Variants in EDN1 observed in about 807,000 individuals in gnomAD.
The protein encoded by EDN1 is endothelin-1.
In EDN1, 11 loss-of-function variants were observed where a neutral mutation model predicts 21.7. The ratio of observed to expected loss-of-function variants is 0.51; its 90% CI spans 0.32 to 0.84. The LOEUF (loss-of-function observed/expected upper bound fraction) is 0.84. Ranked by LOEUF, EDN1 falls within the 40% of genes least tolerant of loss-of-function variation. The probability of loss-of-function intolerance (pLI) is 0.03; values close to 1 mark genes in which losing one functional copy is unlikely to be tolerated. For synonymous variants in EDN1, 85 were observed against 90.6 expected (o/e 0.94, Z 0.35); for missense variants, 244 against 262.3 (o/e 0.93, Z 0.48).
upstream of EDN1, among the ~76,000 whole-genome samples, chr6:12,288,481 C>T (rs566515653): frequency 6.6e-6 from 1 of 152,248 alleles, no homozygotes; most frequent in South Asian, 2.1e-4. Flanking sequence ...CCCTGGGCCC[C>T]GGGGCTAGGC....
chr6:12,288,335 C>A (rs1762599354), upstream of EDN1, among the ~76,000 whole-genome samples: 1 of 152,160 alleles, frequency 6.6e-6, no homozygotes, highest in South Asian at 2.1e-4. Flanking sequence ...TGCTTGGAAC[C>A]TGTGAATGTG....
the EDN1 span, among the ~76,000 whole-genome samples, chr6:12,276,079 G>A: frequency 6.0e-5 from 9 of 150,618 alleles, no homozygotes; most frequent in Non-Finnish European, 1.2e-4. Context: ...GGAGAATGGC[G>A]TGAGCCCGGG....
At chr6:12,274,123 A>C in the EDN1 span, among the ~76,000 whole-genome samples, 1 of 152,158 alleles carries the variant, frequency 6.6e-6, no homozygotes, top group East Asian at 1.9e-4. Context: ...GACTAAACAA[A>C]TTGTCCTTTG....
chr6:12,246,701 T>TTCTCAGTAGATTGTTCACAG, the EDN1 span, among the ~76,000 whole-genome samples: 3 of 151,162 alleles, frequency 2.0e-5, no homozygotes, highest in Non-Finnish European at 2.9e-5. Flanking sequence ...TGTTCTCAGT[T>TTCTCAGTAGATTGTTCACAG]TAGACTTGTG....
chr6:12,273,048 G>A, the EDN1 span, among the ~76,000 whole-genome samples: 1 of 152,168 alleles, frequency 6.6e-6, no homozygotes, highest in Non-Finnish European at 1.5e-5. Context: ...CCAGTGATGA[G>A]CACTAAGTAA....
the EDN1 span, among the ~76,000 whole-genome samples, chr6:12,278,561 GC>G: frequency 2.6e-5 from 4 of 152,108 alleles, no homozygotes; most frequent in South Asian, 4.2e-4. Flanking sequence ...CATACATGTC[GC>G]ATTCATTCAA....
the EDN1 span, among the ~76,000 whole-genome samples, chr6:12,246,796 C>T: frequency 2.6e-5 from 4 of 152,110 alleles, no homozygotes; most frequent in South Asian, 4.1e-4. Flanking sequence ...CCCAGTAACA[C>T]TCTCATCCGT....
At chr6:12,262,414 C>G in the EDN1 span, among the ~76,000 whole-genome samples, 3 of 152,136 alleles carry the variant, frequency 2.0e-5, no homozygotes, top group Admixed American at 6.5e-5. Flanking sequence ...TCAAGGTCGA[C>G]CAGATGCAGG....
At chr6:12,251,838 C>A in the EDN1 span, among the ~76,000 whole-genome samples, 1 of 152,190 alleles carries the variant, frequency 6.6e-6, no homozygotes, top group African/African-American at 2.4e-5. Context: ...TCAGACCTCT[C>A]CTTTCCTCCC....
intron 1 of EDN1, 89 bp downstream of exon 1, chr6:12,290,782 C>G: frequency 4.8e-6 from 6 of 1,240,788 alleles, no homozygotes; most frequent in Non-Finnish European, 7.1e-6. Flanking sequence ...CTATTTTTCC[C>G]CGTTCTTTTT....
chr6:12,258,545 A>T, the EDN1 span, among the ~76,000 whole-genome samples: 262 of 151,488 alleles, frequency 1.7e-3, 1 homozygote, highest in African/African-American at 6.0e-3. Context: ...ATTTATTTAA[A>T]TGTGAAATAT....
the EDN1 span, among the ~76,000 whole-genome samples, chr6:12,238,763 A>C: frequency 1.3e-5 from 2 of 152,342 alleles, no homozygotes; most frequent in East Asian, 3.9e-4. Flanking sequence ...AAGTGAAAGA[A>C]TAGGACCCAG....
chr6:12,289,800 C>G (rs1762628018), upstream of EDN1, among the ~76,000 whole-genome samples: 1 of 152,146 alleles, frequency 6.6e-6, no homozygotes, highest in East Asian at 1.9e-4. Context: ...GCAAAAAAGA[C>G]CCGCAGGAAG....
At chr6:12,294,203 G>A (rs766009921) in intron 3 of EDN1, 58 bp from the exon 4 acceptor site, 17 of 1,613,574 alleles carry the variant, frequency 1.1e-5, no homozygotes, top group Admixed American at 5.0e-5. Flanking sequence ...GACATTGAAA[G>A]TCAGGGTAAA....
chr6:12,249,536 C>T, the EDN1 span, among the ~76,000 whole-genome samples: 1 of 150,216 alleles, frequency 6.7e-6, no homozygotes, highest in African/African-American at 2.5e-5. Flanking sequence ...TGCATTGAGA[C>T]AAGACAAAGT....
At chr6:12,275,259 G>A in the EDN1 span, among the ~76,000 whole-genome samples, 2 of 152,266 alleles carry the variant, frequency 1.3e-5, no homozygotes, top group African/African-American at 4.8e-5. Context: ...GCTTCCTTGT[G>A]TCACATGGAC....
the EDN1 span, among the ~76,000 whole-genome samples, chr6:12,266,120 TTA>T: frequency 6.6e-6 from 1 of 152,178 alleles, no homozygotes; most frequent in Non-Finnish European, 1.5e-5. Flanking sequence ...TGAGCCTTGG[TTA>T]GGTAACTGAG....
Position 12,291,225 on chromosome 6 carries a change from C to A in EDN1, c.64+532C>A, listed in dbSNP as rs141448964. Among the ~76,000 whole-genome samples, 166 of 99,672 alleles carry A rather than the reference C, an allele frequency of 1.7e-3. 1 individual carries two copies. The highest frequency in any genetic ancestry group is 3.8e-3 in the East Asian group (9 of 2,392). The allele number at this position is 99,672 out of a possible 152,430, so 65.4% of individuals were successfully genotyped here. A position where few individuals can be genotyped will look rare whatever the true frequency, so the allele number is the denominator to read the frequency against. ...GTTGACTAACTACCGCCTCCCCCCC[C>A]CCCCGCCACCACCCCCCGCAGGCGG... is the stretch of plus-strand genomic sequence containing the variant. On this transcript the variant is annotated intron_variant, in intron 1 of 4. Transcript: ENST00000379375.
chr6:12,256,910 T>C, the EDN1 span, among the ~76,000 whole-genome samples: 5 of 152,188 alleles, frequency 3.3e-5, no homozygotes, highest in Non-Finnish European at 7.4e-5. Context: ...TGCTTGGAAA[T>C]TCTTCACATT....
Sources: gnomAD v4.1 joint callset for allele counts (sites outside exome capture counted in the v4.1 genomes callset) on GRCh38, gnomAD v4.1.1 for gene constraint, MANE v1.5 for transcripts, NCBI Gene and HGNC (gene_info 2026-07-23, HGNC 2026-07-21) for gene names.